Variants in CDK17 observed in about 807,000 individuals in gnomAD.
The protein encoded by CDK17 is cyclin-dependent kinase 17.
CDK17 carries 24 observed loss-of-function variants against 77.6 expected under a neutral mutation model. That is an observed-to-expected ratio of 0.31 (90% CI 0.22 to 0.44). CDK17 has a LOEUF of 0.44. CDK17 is among the 20% of genes least tolerant of loss of function. The pLI is 1.00. For missense variants in CDK17, 429 were observed against 622.5 expected (o/e 0.69, Z 3.31); for synonymous variants, 203 against 210.4 (o/e 0.96, Z 0.30).
intron 3 of CDK17, among the ~76,000 whole-genome samples, chr12:96,323,326 T>C (rs2137125005): frequency 6.7e-6 from 1 of 150,180 alleles, no homozygotes; most frequent in Non-Finnish European, 1.5e-5. Context: ...CGTAGCGGCA[T>C]GCACAGGTAG....
At chr12:96,388,280 G>A (rs1954010531) in intron 1 of CDK17, among the ~76,000 whole-genome samples, 2 of 152,162 alleles carry the variant, frequency 1.3e-5, no homozygotes, top group African/African-American at 4.8e-5. Flanking sequence ...CCTAAGGAAA[G>A]CTTACAGATA....
chr12:96,280,762 G>A (rs774212222), intron 16 of CDK17, 46 bp downstream of exon 16: 28 of 1,603,018 alleles, frequency 1.7e-5, no homozygotes, highest in Middle Eastern at 1.7e-4. Flanking sequence ...TTGGTTCCAC[G>A]CAAAAATTCA....
chr12:96,397,062 T>C (rs1234298392), intron 1 of CDK17, among the ~76,000 whole-genome samples: 2 of 152,174 alleles, frequency 1.3e-5, no homozygotes, highest in Non-Finnish European at 2.9e-5. Context: ...AATAAAATAG[T>C]TGCATTGTTT....
At chr12:96,379,796 G>A (rs540725363) in intron 1 of CDK17, among the ~76,000 whole-genome samples, 21 of 152,034 alleles carry the variant, frequency 1.4e-4, no homozygotes, top group African/African-American at 2.9e-4. Flanking sequence ...CTAACATATC[G>A]AAACATTTCC....
chr12:96,353,605 C>CG (rs11369777), intron 1 of CDK17, among the ~76,000 whole-genome samples: 98,993 of 140,452 alleles, frequency 0.7, 35,261 homozygotes, highest in East Asian at 0.81. Context: ...TAAAAGGTGG[C>CG]GGGGGGGGGC....
At chr12:96,281,878 C>T (rs1030840830) in intron 15 of CDK17, 2 of 152,126 alleles carry the variant, frequency 1.3e-5, no homozygotes, top group African/African-American at 4.8e-5. Context: ...TTAATGAAAG[C>T]TTTTGGCAGC....
chr12:96,307,757 G>C (rs951627581), intron 5 of CDK17, among the ~76,000 whole-genome samples: 3 of 152,034 alleles, frequency 2.0e-5, no homozygotes, highest in Non-Finnish European at 4.4e-5. Flanking sequence ...TGTAATCTCA[G>C]CTACTAAGGA....
chr12:96,400,090 C>A lies in CDK17; in HGVS notation c.-134G>T, dbSNP rs1954236287. 1 of 390,986 alleles carries A rather than the reference C, an allele frequency of 2.6e-6. No individual in the cohort carries two copies. The highest frequency in any genetic ancestry group is 2.1e-5 in the African/African-American group (1 of 48,236). The allele number at this position is 390,986 out of a possible 1,614,324, so 24.2% of individuals were successfully genotyped here. ...GACCGGATGCAAGTCCGGGTCTCAG[C>A]GGCCGGCAGACGTGAGGCGCTTCCG... is the stretch of plus-strand genomic sequence containing the variant. On this transcript the variant is annotated 5_prime_UTR_variant, in exon 1 of 17. Transcript: ENST00000261211.
At chr12:96,335,243 G>C (rs370384063) in intron 1 of CDK17, 120 of 325,126 alleles carry the variant, frequency 3.7e-4, no homozygotes, top group South Asian at 2.7e-3. Context: ...GAACCAGCCA[G>C]TGATATCTTC....
At chr12:96,291,287 G>A (rs1057343611) in intron 10 of CDK17, among the ~76,000 whole-genome samples, 1 of 152,092 alleles carries the variant, frequency 6.6e-6, no homozygotes, top group African/African-American at 2.4e-5. Context: ...AAAAGTAGTT[G>A]TTGTTTTTTT....
rs141197113 is a variant in CDK17, at chr12:96,325,257, T to C, written c.119-1145A>G. On this transcript the variant is annotated intron_variant, in intron 2 of 16. Transcript: ENST00000261211. ...TAAAATGAAGCCAACTATTCTTCTG[T>C]AGCTAACAATCAGGCATAAGGATAC... is the stretch of plus-strand genomic sequence containing the variant. Among the ~76,000 whole-genome samples the C allele has an allele frequency of 3.9e-3, 595 of 152,304 alleles. 3 individuals carry two copies. The highest frequency in any genetic ancestry group is 0.013 in the African/African-American group (554 of 41,562).
Position 96,300,328 on chromosome 12 carries a change from G to A in CDK17, c.576C>T (p.Tyr192=), listed in dbSNP as rs889281312. 1.9e-6 allele frequency: 3 copies of A among 1,597,576 alleles called. No homozygotes were observed. The highest frequency in any genetic ancestry group is 2.2e-5 in the East Asian group (1 of 44,678). ...CCTCTCCAAGCTTTTCCAATTTGATGTAGGTTTCCATTTTTCCAAAGCCAA... is the reference window on the plus strand; with the variant it reads ...CCTCTCCAAGCTTTTCCAATTTGATATAGGTTTCCATTTTTCCAAAGCCAA... ...SEIGFGKMET[Y]IKLEKLGEGT... Residue 192 remains tyrosine (Y), a synonymous_variant, in exon 6 of 17, where the codon TAC becomes TAT. Coordinates refer to ENST00000261211, the MANE Select transcript of CDK17 (RefSeq NM_002595.5).
In CDK17 at chr12:96,278,996, G is replaced by C. The variant is rs1952139496; in HGVS notation, c.*1246C>G. On this transcript the variant is annotated 3_prime_UTR_variant, in exon 17 of 17. Transcript: ENST00000261211. ...GAAATTAAGTTATGACTATTTTCAT[G>C]ATATATAAGGCAAAAATTTACACGA... The C allele has an allele frequency of 6.6e-6, 1 of 152,498 alleles. No individual in the cohort carries two copies. The highest frequency in any genetic ancestry group is 6.5e-5 in the Admixed American group (1 of 15,274). The allele number at this position is 152,498 out of a possible 1,614,324, so 9.4% of individuals were successfully genotyped here.
At chr12:96,304,093 T>A (rs1952543557) in intron 5 of CDK17, among the ~76,000 whole-genome samples, 1 of 152,222 alleles carries the variant, frequency 6.6e-6, no homozygotes, top group Admixed American at 6.5e-5. Context: ...GCTCTCAAAA[T>A]AATCATACTG....
chr12:96,316,228 G>A (rs1020123156), intron 3 of CDK17, among the ~76,000 whole-genome samples: 8 of 152,246 alleles, frequency 5.3e-5, no homozygotes, highest in African/African-American at 1.7e-4. Flanking sequence ...ACTCCCACCC[G>A]AATATTGCGC....
intron 1 of CDK17, among the ~76,000 whole-genome samples, chr12:96,358,242 CAAT>C (rs1359565138): frequency 2.0e-5 from 3 of 151,476 alleles, no homozygotes; most frequent in African/African-American, 7.3e-5. Flanking sequence ...AAGTTACTGA[CAAT>C]AAGAAGTTGG....
At chr12:96,354,475 C>A (rs1953364543) in intron 1 of CDK17, among the ~76,000 whole-genome samples, 1 of 152,138 alleles carries the variant, frequency 6.6e-6, no homozygotes, top group South Asian at 2.1e-4. Flanking sequence ...TTCTCACATT[C>A]CACAATCAAT....
intron 5 of CDK17, among the ~76,000 whole-genome samples, chr12:96,304,413 T>C (rs1476727099): frequency 6.6e-6 from 1 of 152,154 alleles, no homozygotes; most frequent in African/African-American, 2.4e-5. Flanking sequence ...GGTGCATACC[T>C]ATAATCCCAG....
At chr12:96,397,354 A>C (rs913700721) in intron 1 of CDK17, among the ~76,000 whole-genome samples, 1 of 152,154 alleles carries the variant, frequency 6.6e-6, no homozygotes, top group South Asian at 2.1e-4. Context: ...GCTGCAATAC[A>C]CATGGGGATC....
Sources: allele counts gnomAD v4.1 joint callset (sites outside exome capture counted in the v4.1 genomes callset), GRCh38; gene constraint gnomAD v4.1.1; transcripts MANE v1.5; gene names NCBI Gene and HGNC (gene_info 2026-07-23, HGNC 2026-07-21).